The following TRMT11 variants were observed in gnomAD, a reference collection of about 807,000 sequenced individuals.
TRMT11 encodes the protein tRNA methyltransferase 11.
TRMT11 carries 53 observed loss-of-function variants against 62.8 expected under a neutral mutation model. The observed-to-expected ratio is 0.84, with a 90% CI of 0.68 to 1.06. TRMT11 has a LOEUF of 1.06. TRMT11 is among the 50% of genes least tolerant of loss of function. TRMT11 has a pLI of 0.00. For synonymous variants in TRMT11, 188 were observed against 190.3 expected (o/e 0.99, Z 0.10); for missense variants, 556 against 553.4 (o/e 1.00, Z -0.05).
intron 21 of TRMT11, among the ~76,000 whole-genome samples, chr6:126,129,689 TA>T (rs1226675153): frequency 2.0e-5 from 3 of 151,898 alleles, no homozygotes; most frequent in Non-Finnish European, 4.4e-5. Context: ...TGACTGGATT[TA>T]AAAAAAATTT....
chr6:126,093,733 A>T (rs1052813640), intron 17 of TRMT11, among the ~76,000 whole-genome samples: 13 of 150,714 alleles, frequency 8.6e-5, no homozygotes, highest in Non-Finnish European at 1.6e-4. Flanking sequence ...AAATTAACAC[A>T]GTAAGTGGGA....
chr6:126,002,517 C>T (rs1233378238), intron 7 of TRMT11, among the ~76,000 whole-genome samples: 1 of 152,128 alleles, frequency 6.6e-6, no homozygotes, highest in Non-Finnish European at 1.5e-5. Context: ...GATGTGTTTT[C>T]AGTTCTTCAC....
chr6:126,196,730 A>G (rs1439696071), intron 1 of TRMT11, among the ~76,000 whole-genome samples: 1 of 152,172 alleles, frequency 6.6e-6, no homozygotes, highest in African/African-American at 2.4e-5. Context: ...TGGAAGTACA[A>G]GTTCAAGGAA....
upstream of TRMT11, among the ~76,000 whole-genome samples, chr6:126,174,827 G>T (rs1004180669): frequency 1.3e-5 from 2 of 152,156 alleles, no homozygotes; most frequent in African/African-American, 4.8e-5. Flanking sequence ...ATTTTCAGAG[G>T]AAAAGACAGT....
chr6:125,991,288 G>C (rs1790586238), intron 1 of TRMT11, among the ~76,000 whole-genome samples: 1 of 151,642 alleles, frequency 6.6e-6, no homozygotes. Context: ...TTCTCTCTCT[G>C]TTTTCCAGGC....
chr6:126,140,432 T>G (rs1324113699), intron 21 of TRMT11, among the ~76,000 whole-genome samples: 1 of 152,134 alleles, frequency 6.6e-6, no homozygotes, highest in African/African-American at 2.4e-5. Context: ...TTGAAAAGTT[T>G]ATATAACACA....
intron 1 of TRMT11, among the ~76,000 whole-genome samples, chr6:125,988,542 G>A (rs1045635986): frequency 3.9e-5 from 6 of 152,140 alleles, no homozygotes; most frequent in Non-Finnish European, 7.4e-5. Context: ...GTTAGGGTGG[G>A]TGTGGAGTAG....
chr6:126,057,983 T>A (rs1296705228), intron 17 of TRMT11, among the ~76,000 whole-genome samples: 1 of 151,996 alleles, frequency 6.6e-6, no homozygotes, highest in Non-Finnish European at 1.5e-5. Flanking sequence ...ATTATATAAG[T>A]TCTGGGATAC....
chr6:126,185,915 A>G (rs1418588433), intron 1 of TRMT11, among the ~76,000 whole-genome samples: 3 of 152,164 alleles, frequency 2.0e-5, no homozygotes, highest in African/African-American at 7.2e-5. Flanking sequence ...TAACATGAGA[A>G]CAGCATGGGG....
intron 1 of TRMT11, among the ~76,000 whole-genome samples, chr6:126,180,578 A>T (rs772215329): frequency 6.6e-5 from 10 of 152,230 alleles, no homozygotes; most frequent in Admixed American, 5.2e-4. Flanking sequence ...GGATTACTGT[A>T]AAGAAGGTAG....
intron 18 of TRMT11, among the ~76,000 whole-genome samples, chr6:126,113,595 G>T (rs765746176): frequency 2.0e-5 from 3 of 152,052 alleles, no homozygotes; most frequent in Admixed American, 2.0e-4. Context: ...AGCACTGATT[G>T]TGTGTCAGCC....
intron 17 of TRMT11, among the ~76,000 whole-genome samples, chr6:126,075,618 A>G (rs1384955201): frequency 6.6e-6 from 1 of 152,042 alleles, no homozygotes; most frequent in Non-Finnish European, 1.5e-5. Context: ...TGAGCCAATT[A>G]AACCTCTTTT....
chr6:126,136,256 C>A (rs950890179), intron 21 of TRMT11, among the ~76,000 whole-genome samples: 1 of 151,006 alleles, frequency 6.6e-6, no homozygotes, highest in Non-Finnish European at 1.5e-5. Flanking sequence ...GAAGACTCTG[C>A]CAAAAAACTT....
At chr6:126,050,095 G>A (rs1182069850) in intron 16 of TRMT11, among the ~76,000 whole-genome samples, 1 of 152,136 alleles carries the variant, frequency 6.6e-6, no homozygotes, top group Non-Finnish European at 1.5e-5. Flanking sequence ...TTGGGAGGTG[G>A]AGGTGAGCAC....
At chr6:126,242,589 T>C in the TRMT11 span, among the ~76,000 whole-genome samples, 1 of 152,152 alleles carries the variant, frequency 6.6e-6, no homozygotes, top group Non-Finnish European at 1.5e-5. Flanking sequence ...AACAGAGTTA[T>C]AGACAAATGG....
chr6:125,996,778 A>G (rs555317478), intron 3 of TRMT11, among the ~76,000 whole-genome samples: 2 of 152,322 alleles, frequency 1.3e-5, no homozygotes, highest in African/African-American at 4.8e-5. Context: ...AATGCAATGC[A>G]AATAAGAATT....
At chr6:126,261,552 G>C in the TRMT11 span, among the ~76,000 whole-genome samples, 3 of 151,960 alleles carry the variant, frequency 2.0e-5, no homozygotes, top group African/African-American at 4.8e-5. Flanking sequence ...TAGTAGAATA[G>C]TTTCTTTTTC....
chr6:126,124,652 T>C (rs1255841135), intron 21 of TRMT11, among the ~76,000 whole-genome samples: 1 of 152,086 alleles, frequency 6.6e-6, no homozygotes, highest in Non-Finnish European at 1.5e-5. Context: ...ATTTTGAACA[T>C]GGCTGCCAGA....
the TRMT11 span, among the ~76,000 whole-genome samples, chr6:126,242,626 G>T: frequency 6.6e-6 from 1 of 152,122 alleles, no homozygotes; most frequent in African/African-American, 2.4e-5. Flanking sequence ...CAGAAATAAT[G>T]CCACACATCT....
Sources: gnomAD v4.1 joint callset for allele counts (sites outside exome capture counted in the v4.1 genomes callset) on GRCh38, gnomAD v4.1.1 for gene constraint, MANE v1.5 for transcripts, NCBI Gene and HGNC (gene_info 2026-07-23, HGNC 2026-07-21) for gene names.